The following TBCE variants were observed in gnomAD, a reference collection of about 807,000 sequenced individuals.
TBCE encodes tubulin-specific chaperone E.
Under a neutral mutation model 77.0 loss-of-function variants are expected in TBCE, and 53 were observed. The ratio of observed to expected loss-of-function variants is 0.69; its 90% CI spans 0.55 to 0.87. The LOEUF (loss-of-function observed/expected upper bound fraction) is 0.87, where lower values mean the gene tolerates loss of function less well. Among genes scored for constraint, TBCE ranks in the 40% least tolerant of loss-of-function variants. TBCE has a pLI of 0.00. For missense variants in TBCE, 624 were observed against 622.4 expected (o/e 1.00, Z -0.03); for synonymous variants, 235 against 241.3 (o/e 0.97, Z 0.24).
intron 1 of TBCE, among the ~76,000 whole-genome samples, chr1:235,367,904 C>G (rs534967486): frequency 1.3e-5 from 2 of 152,072 alleles, no homozygotes; most frequent in Non-Finnish European, 2.9e-5. Context: ...CTTAAAGTAA[C>G]TGTTTGTTCT....
chr1:235,390,214 C>T (rs554262301), intron 2 of TBCE, among the ~76,000 whole-genome samples: 4 of 152,156 alleles, frequency 2.6e-5, no homozygotes, highest in South Asian at 4.2e-4. Flanking sequence ...CCTGTGATAG[C>T]ATCATACAAA....
chr1:235,414,576 C>G lies in TBCE; in HGVS notation c.329C>G (p.Pro110Arg). The G allele has an allele frequency of 1.2e-6, 2 of 1,613,744 alleles. No individual in the cohort carries two copies. The highest frequency in any genetic ancestry group is 1.1e-5 in the South Asian group (1 of 91,064). The change falls in exon 4 of 17, where the codon CCT becomes CGT. Residue 110 changes from proline to arginine, a missense_variant. Coordinates refer to ENST00000642610, the MANE Select transcript of TBCE (RefSeq NM_003193.5). Reference sequence around the variant, plus strand: ...CAAATTGTTACAATTGGAAATAAACCTGTGGAGACTATCGGTTTTGACTCT... The same window carrying G: ...CAAATTGTTACAATTGGAAATAAACGTGTGGAGACTATCGGTTTTGACTCT... The part of the protein sequence containing the change: ...KEQIVTIGNK[P>R]VETIGFDSIM...
At chr1:235,373,443 T>A (rs1677096846) in intron 1 of TBCE, among the ~76,000 whole-genome samples, 1 of 151,772 alleles carries the variant, frequency 6.6e-6, no homozygotes, top group African/African-American at 2.4e-5. Flanking sequence ...ATGTAACGTC[T>A]ACATTTTTTT....
intron 2 of TBCE, among the ~76,000 whole-genome samples, chr1:235,395,829 G>A (rs889524470): frequency 3.3e-5 from 5 of 151,048 alleles, no homozygotes; most frequent in African/African-American, 1.2e-4. Flanking sequence ...ACAGACATGA[G>A]CCACCGTGCC....
intron 3 of TBCE, among the ~76,000 whole-genome samples, chr1:235,412,564 A>C (rs1385134203): frequency 6.6e-6 from 1 of 151,314 alleles, no homozygotes; most frequent in Non-Finnish European, 1.5e-5. Context: ...TGCCCGCCTC[A>C]GCCTCCCAAA....
At chr1:235,385,565 T>A (rs1033014995) in intron 2 of TBCE, among the ~76,000 whole-genome samples, 1 of 152,182 alleles carries the variant, frequency 6.6e-6, no homozygotes, top group African/African-American at 2.4e-5. Flanking sequence ...CCTTTATCAT[T>A]ATGTAATGGC....
intron 2 of TBCE, among the ~76,000 whole-genome samples, chr1:235,392,298 T>A (rs899675997): frequency 2.6e-5 from 4 of 152,022 alleles, no homozygotes; most frequent in South Asian, 2.1e-4. Flanking sequence ...GAGCCTGCAG[T>A]GAACCGTGAT....
chr1:235,437,289 G>A (rs780079989), intron 11 of TBCE, 33 bp from the exon 12 acceptor site: 14 of 1,613,604 alleles, frequency 8.7e-6, no homozygotes, highest in Non-Finnish European at 9.3e-6. Flanking sequence ...TGAACGTACC[G>A]CTTTTCATTT....
chr1:235,400,533 T>TG (rs1679036333), intron 2 of TBCE, among the ~76,000 whole-genome samples: 1 of 150,164 alleles, frequency 6.7e-6, no homozygotes, highest in Non-Finnish European at 1.5e-5. Context: ...CCGGAGTAGC[T>TG]GGGGCTATAG....
At chr1:235,395,240 G>A (rs1678652197) in intron 2 of TBCE, among the ~76,000 whole-genome samples, 1 of 152,110 alleles carries the variant, frequency 6.6e-6, no homozygotes, top group South Asian at 2.1e-4. Flanking sequence ...TGGGTACATA[G>A]TAGGTGTATA....
chr1:235,412,414 G>T (rs550938968), intron 3 of TBCE, among the ~76,000 whole-genome samples: 2 of 150,076 alleles, frequency 1.3e-5, no homozygotes, highest in South Asian at 4.3e-4. Flanking sequence ...ATTTTTAATA[G>T]AGGCAGGGTT....
intron 3 of TBCE, among the ~76,000 whole-genome samples, chr1:235,408,802 G>A (rs1380719683): frequency 6.6e-6 from 1 of 152,052 alleles, no homozygotes; most frequent in Middle Eastern, 3.2e-3. Context: ...AACAAACAGG[G>A]TATCAAGATC....
At chr1:235,368,551 G>GTTT (rs1558337496) in intron 1 of TBCE, among the ~76,000 whole-genome samples, 4 of 44,870 alleles carry the variant, frequency 8.9e-5, no homozygotes, top group African/African-American at 2.5e-4. Flanking sequence ...TGGACAGCCT[G>GTTT]CTTTTTTTTT....
chr1:235,433,378 G>A (rs1025505385), intron 7 of TBCE: 11 of 204,614 alleles, frequency 5.4e-5, no homozygotes, highest in Middle Eastern at 1.6e-3. Context: ...GCACTACCAC[G>A]CCTGGCTAAT....
Position 235,435,585 on chromosome 1 carries a change from G to T in TBCE, c.738-160G>T, listed in dbSNP as rs553548099. 4.0e-3 allele frequency among the ~76,000 whole-genome samples: 612 copies of T among 152,254 alleles called. 5 individuals carry two copies. Among genetic ancestry groups the T allele is most frequent in the African/African-American group, 0.014 (585 of 41,546 alleles). ...GACACTGATACCGGCAGGAATATGT[G>T]CATCACCACAGGGACCACTCAGGTT... On this transcript the variant is annotated intron_variant, in intron 8 of 16. Coordinates refer to ENST00000642610, the MANE Select transcript of TBCE (RefSeq NM_003193.5).
intron 12 of TBCE, 117 bp downstream of exon 12, chr1:235,437,591 C>A: frequency 8.2e-7 from 1 of 1,226,258 alleles, no homozygotes; most frequent in Non-Finnish European, 1.1e-6. Flanking sequence ...GCAGGCTGAT[C>A]GCTGCAGTCC....
intron 1 of TBCE, among the ~76,000 whole-genome samples, chr1:235,375,162 C>T (rs963478508): frequency 9.2e-5 from 14 of 152,052 alleles, no homozygotes; most frequent in Admixed American, 2.6e-4. Context: ...CCTCATGATC[C>T]GCCTGCCTTG....
chr1:235,436,283 A>G, intron 9 of TBCE, 103 bp from the exon 10 acceptor site: 1 of 1,074,584 alleles, frequency 9.3e-7, no homozygotes, highest in South Asian at 1.3e-5. Flanking sequence ...CATGGGATTA[A>G]AAACCCAGGG....
intron 1 of TBCE, among the ~76,000 whole-genome samples, chr1:235,369,828 G>A (rs544959908): frequency 5.2e-4 from 74 of 141,072 alleles, no homozygotes; most frequent in Admixed American, 3.7e-3. Context: ...GCAAAACTCT[G>A]TCTCAAAAAA....
Sources: allele counts gnomAD v4.1 joint callset (sites outside exome capture counted in the v4.1 genomes callset), GRCh38; gene constraint gnomAD v4.1.1; transcripts MANE v1.5; gene names NCBI Gene and HGNC (gene_info 2026-07-23, HGNC 2026-07-21).